Variants in TRDN observed in about 807,000 individuals in gnomAD.
TRDN encodes triadin.
In TRDN, 161 loss-of-function variants were observed where a neutral mutation model predicts 149.7. That is an observed-to-expected ratio of 1.08 (90% CI 0.95 to 1.23). The LOEUF (loss-of-function observed/expected upper bound fraction) is 1.23. Among genes scored for constraint, TRDN ranks in the 50% most tolerant of loss-of-function variants. The pLI is 0.00. For missense variants in TRDN, 896 were observed against 823.5 expected (o/e 1.09, Z -1.08); for synonymous variants, 294 against 250.5 (o/e 1.17, Z -1.64).
intron 38 of TRDN, among the ~76,000 whole-genome samples, chr6:123,233,105 C>G (rs750246653): frequency 6.6e-6 from 1 of 152,056 alleles, no homozygotes; most frequent in Non-Finnish European, 1.5e-5. Context: ...CAGAGATACC[C>G]AAAGCTCCAA....
chr6:123,285,642 A>C (rs6569335), intron 24 of TRDN, among the ~76,000 whole-genome samples: 132,014 of 152,056 alleles, frequency 0.87, 57,629 homozygotes, highest in East Asian at 0.99. Flanking sequence ...GACTTCATGA[A>C]CAAGAATCCA....
chr6:123,390,147 A>T (rs901717613), intron 13 of TRDN, among the ~76,000 whole-genome samples: 1 of 152,150 alleles, frequency 6.6e-6, no homozygotes, highest in African/African-American at 2.4e-5. Flanking sequence ...GCTAAACTTC[A>T]TCAATTTAAC....
intron 1 of TRDN, among the ~76,000 whole-genome samples, chr6:123,585,979 A>G (rs1583288506): frequency 6.6e-6 from 1 of 152,066 alleles, no homozygotes; most frequent in African/African-American, 2.4e-5. Flanking sequence ...TGTCGGGAGC[A>G]GATTGGGTAA....
chr6:123,425,511 G>C (rs1289589797), intron 12 of TRDN, among the ~76,000 whole-genome samples: 1 of 151,988 alleles, frequency 6.6e-6, no homozygotes, highest in Admixed American at 6.6e-5. Flanking sequence ...GAGAAAGAGA[G>C]AATTGAGCCC....
At chr6:123,488,322 T>A (rs1379308164) in intron 9 of TRDN, among the ~76,000 whole-genome samples, 3 of 152,138 alleles carry the variant, frequency 2.0e-5, no homozygotes, top group African/African-American at 7.2e-5. Context: ...GCTAAACAAA[T>A]GATATTTGGA....
intron 12 of TRDN, among the ~76,000 whole-genome samples, chr6:123,436,890 C>T (rs1011277946): frequency 2.6e-5 from 4 of 151,996 alleles, no homozygotes; most frequent in Non-Finnish European, 4.4e-5. Flanking sequence ...TAATAGGGGA[C>T]GATTCCTTCA....
At position 123,272,409 on chromosome 6, in the gene TRDN, C is replaced by A. The variant is rs1021431412; in HGVS notation, c.1672+555G>T. Among the ~76,000 whole-genome samples, 7 of 151,562 alleles carry A rather than the reference C, an allele frequency of 4.6e-5. No homozygotes were observed. The East Asian group carries it at 1.4e-3, about 29-fold the overall frequency. On this transcript the variant is annotated intron_variant, in intron 29 of 40. Coordinates refer to ENST00000334268, the MANE Select transcript of TRDN (RefSeq NM_006073.4). ...TTCTTAAATAAAAATTAATTCATAA[C>A]CTTGTTTTGATAAATTATGTATCTT...
At chr6:123,400,319 C>T (rs898468778) in intron 12 of TRDN, among the ~76,000 whole-genome samples, 9 of 151,656 alleles carry the variant, frequency 5.9e-5, no homozygotes, top group Non-Finnish European at 1.3e-4. Flanking sequence ...TTTTGACAGT[C>T]CCCAACATTT....
chr6:123,243,971 A>T (rs1776082170), intron 38 of TRDN, among the ~76,000 whole-genome samples: 1 of 152,186 alleles, frequency 6.6e-6, no homozygotes, highest in South Asian at 2.1e-4. Flanking sequence ...AGGAATTTAT[A>T]GAACATTTTG....
intron 5 of TRDN, among the ~76,000 whole-genome samples, chr6:123,524,931 C>T (rs1779873021): frequency 6.6e-6 from 1 of 151,958 alleles, no homozygotes; most frequent in Non-Finnish European, 1.5e-5. Context: ...ATACTTTTAT[C>T]TTTCTATTCA....
At chr6:123,264,159 A>T (rs934579138) in intron 33 of TRDN, among the ~76,000 whole-genome samples, 2 of 152,088 alleles carry the variant, frequency 1.3e-5, no homozygotes, top group African/African-American at 4.8e-5. Context: ...TGTAGGTGTC[A>T]TATATAGTGA....
At chr6:123,569,721 A>G (rs1384702654) in intron 2 of TRDN, among the ~76,000 whole-genome samples, 1 of 152,080 alleles carries the variant, frequency 6.6e-6, no homozygotes, top group African/African-American at 2.4e-5. Context: ...AGAGTGGAGC[A>G]GGGAGGTGCC....
chr6:123,561,551 A>G (rs975734482), intron 2 of TRDN, among the ~76,000 whole-genome samples: 2 of 151,722 alleles, frequency 1.3e-5, no homozygotes, highest in Non-Finnish European at 3.0e-5. Flanking sequence ...AAGCTCACCA[A>G]CCAAGCAAGT....
chr6:123,495,119 T>C (rs1209027005), intron 9 of TRDN, among the ~76,000 whole-genome samples: 1 of 152,030 alleles, frequency 6.6e-6, no homozygotes, highest in African/African-American at 2.4e-5. Flanking sequence ...CCATCATAGC[T>C]CACACACCCC....
At chr6:123,439,657 C>T (rs984628452) in intron 10 of TRDN, 1 of 152,190 alleles carries the variant, frequency 6.6e-6, no homozygotes, top group Admixed American at 6.5e-5. Context: ...TTCTAAACTT[C>T]GTGGAAGAGC....
At chr6:123,243,115 G>T (rs1776050043) in intron 38 of TRDN, among the ~76,000 whole-genome samples, 1 of 152,086 alleles carries the variant, frequency 6.6e-6, no homozygotes, top group African/African-American at 2.4e-5. Flanking sequence ...ACAGAACCAA[G>T]GTGCAAGAAA....
At chr6:123,282,608 A>G (rs1334407601) in intron 24 of TRDN, among the ~76,000 whole-genome samples, 4 of 151,932 alleles carry the variant, frequency 2.6e-5, no homozygotes, top group Non-Finnish European at 5.9e-5. Flanking sequence ...TATGTGGTTT[A>G]GAATTTTCAT....
At chr6:123,305,469 T>A (rs946690780) in intron 24 of TRDN, among the ~76,000 whole-genome samples, 1 of 152,136 alleles carries the variant, frequency 6.6e-6, no homozygotes, top group African/African-American at 2.4e-5. Context: ...ATAAAAGTGG[T>A]AAAATGAGAA....
At chr6:123,319,765 C>T (rs570337540) in intron 23 of TRDN, among the ~76,000 whole-genome samples, 1 of 152,054 alleles carries the variant, frequency 6.6e-6, no homozygotes, top group African/African-American at 2.4e-5. Flanking sequence ...ACCAAAAAGT[C>T]CCCATGCTAA....
Sources: allele counts gnomAD v4.1 joint callset (sites outside exome capture counted in the v4.1 genomes callset), GRCh38; gene constraint gnomAD v4.1.1; transcripts MANE v1.5; gene names NCBI Gene and HGNC (gene_info 2026-07-23, HGNC 2026-07-21).